The following NRG3 variants were observed in gnomAD, a reference collection of about 807,000 sequenced individuals.
The protein encoded by NRG3 is pro-neuregulin-3, membrane-bound isoform.
Under a neutral mutation model 66.9 loss-of-function variants are expected in NRG3, and 31 were observed. The ratio of observed to expected loss-of-function variants is 0.46; its 90% CI spans 0.35 to 0.63. The LOEUF (loss-of-function observed/expected upper bound fraction) is 0.63. Among genes scored for constraint, NRG3 ranks in the 20% least tolerant of loss-of-function variants. The pLI is 0.00. For missense variants in NRG3, 910 were observed against 878.9 expected (o/e 1.04, Z -0.45); for synonymous variants, 393 against 359.4 (o/e 1.09, Z -1.06).
intron 1 of NRG3, among the ~76,000 whole-genome samples, chr10:82,011,047 T>G (rs376816278): frequency 6.6e-6 from 1 of 152,186 alleles, no homozygotes; most frequent in African/African-American, 2.4e-5. Flanking sequence ...TGTTTCCAAC[T>G]AGCCCACCTC....
intron 4 of NRG3, among the ~76,000 whole-genome samples, chr10:82,925,813 A>C (rs936746164): frequency 4.6e-5 from 7 of 152,096 alleles, no homozygotes; most frequent in African/African-American, 1.7e-4. Context: ...CTAGCAGCTT[A>C]AACTGGAAAG....
At chr10:82,923,044 A>G (rs1846603702) in intron 4 of NRG3, among the ~76,000 whole-genome samples, 1 of 152,194 alleles carries the variant, frequency 6.6e-6, no homozygotes, top group African/African-American at 2.4e-5. Context: ...CTACTGTAAC[A>G]GCTTACTAAT....
intron 1 of NRG3, among the ~76,000 whole-genome samples, chr10:81,941,676 G>T (rs1369503927): frequency 6.6e-6 from 1 of 152,096 alleles, no homozygotes; most frequent in Non-Finnish European, 1.5e-5. Context: ...TATGGCCCCT[G>T]CTTTTCCTAG....
intron 1 of NRG3, among the ~76,000 whole-genome samples, chr10:82,086,172 G>C (rs2065715381): frequency 6.6e-6 from 1 of 152,104 alleles, no homozygotes; most frequent in East Asian, 1.9e-4. Flanking sequence ...CTGTCAACTA[G>C]TGTGACAGTA....
intron 1 of NRG3, among the ~76,000 whole-genome samples, chr10:82,141,030 T>C (rs1424666354): frequency 6.6e-6 from 1 of 152,176 alleles, no homozygotes; most frequent in Non-Finnish European, 1.5e-5. Flanking sequence ...TATATACATG[T>C]ATAGGTATGG....
chr10:82,304,827 G>A (rs1361268285), intron 1 of NRG3, among the ~76,000 whole-genome samples: 1 of 151,978 alleles, frequency 6.6e-6, no homozygotes, highest in East Asian at 1.9e-4. Context: ...ATCCAATCAT[G>A]GGTTGACATT....
At chr10:81,990,903 T>A (rs1456807305) in intron 1 of NRG3, among the ~76,000 whole-genome samples, 1 of 152,128 alleles carries the variant, frequency 6.6e-6, no homozygotes, top group Non-Finnish European at 1.5e-5. Context: ...AAAATGCAAG[T>A]TTACATATTA....
intron 1 of NRG3, among the ~76,000 whole-genome samples, chr10:82,251,668 G>T (rs949042048): frequency 3.3e-5 from 5 of 152,278 alleles, no homozygotes; most frequent in Admixed American, 2.6e-4. Flanking sequence ...ATCAGTGTGG[G>T]ATTTCGAGAT....
At chr10:82,004,241 A>G (rs1435873097) in intron 1 of NRG3, among the ~76,000 whole-genome samples, 1 of 152,218 alleles carries the variant, frequency 6.6e-6, no homozygotes, top group South Asian at 2.1e-4. Context: ...ATCTACACAC[A>G]TATACTGGTG....
chr10:82,398,701 A>G (rs2086887173), intron 2 of NRG3, among the ~76,000 whole-genome samples: 1 of 152,142 alleles, frequency 6.6e-6, no homozygotes, highest in South Asian at 2.1e-4. Context: ...AAGGCCCAAG[A>G]AATGTGCACA....
At chr10:82,013,091 C>T (rs957981767) in intron 1 of NRG3, among the ~76,000 whole-genome samples, 2 of 152,106 alleles carry the variant, frequency 1.3e-5, no homozygotes, top group Non-Finnish European at 2.9e-5. Flanking sequence ...AAAGACTTAA[C>T]CAAGACTGGG....
At chr10:82,743,082 G>T (rs1302951863) in intron 3 of NRG3, among the ~76,000 whole-genome samples, 3 of 152,018 alleles carry the variant, frequency 2.0e-5, no homozygotes, top group African/African-American at 7.2e-5. Context: ...ACACACAGCT[G>T]GAGACAGCCG....
intron 3 of NRG3, among the ~76,000 whole-genome samples, chr10:82,748,036 T>C (rs2058713967): frequency 6.6e-6 from 1 of 151,146 alleles, no homozygotes; most frequent in Non-Finnish European, 1.5e-5. Flanking sequence ...TTCTTGATGA[T>C]TTATAAATAT....
chr10:82,340,085 G>C (rs1045268320), intron 1 of NRG3, among the ~76,000 whole-genome samples: 1 of 152,034 alleles, frequency 6.6e-6, no homozygotes, highest in Non-Finnish European at 1.5e-5. Flanking sequence ...GATTGACTTT[G>C]TTTGCACCGT....
intron 3 of NRG3, among the ~76,000 whole-genome samples, chr10:82,848,797 A>C (rs1207762727): frequency 6.6e-6 from 1 of 152,058 alleles, no homozygotes. Context: ...CATGATAGTG[A>C]ATAAGTCTCA....
At chr10:82,803,724 T>A (rs929206848) in intron 3 of NRG3, among the ~76,000 whole-genome samples, 2 of 151,554 alleles carry the variant, frequency 1.3e-5, no homozygotes, top group African/African-American at 4.9e-5. Context: ...AGCGTAAATA[T>A]GTATTTTGAG....
chr10:81,883,592 G>T lies in NRG3; in HGVS notation c.823+7429G>T, dbSNP rs375799055. On this transcript the variant is annotated intron_variant, in intron 1 of 8. Coordinates refer to ENST00000372141, the MANE Select transcript of NRG3 (RefSeq NM_001010848.4). Reference sequence around the variant, plus strand: ...ATACGAACATTTTTTTAAAGAAAAGGTCAGCTGAATCCATGCAACTACTTT... The same window carrying T: ...ATACGAACATTTTTTTAAAGAAAAGTTCAGCTGAATCCATGCAACTACTTT... Among the ~76,000 whole-genome samples the T allele has an allele frequency of 1.4e-4, 21 of 152,274 alleles. No individual in the cohort carries two copies. The East Asian group carries it at 2.1e-3, about 15-fold the overall frequency.
intron 1 of NRG3, among the ~76,000 whole-genome samples, chr10:81,919,878 C>T (rs922118305): frequency 1.3e-5 from 2 of 152,186 alleles, no homozygotes; most frequent in Admixed American, 1.3e-4. Flanking sequence ...ACCAGGAAAC[C>T]TGCCGTCAAT....
chr10:82,025,531 A>G, intron 1 of NRG3, among the ~76,000 whole-genome samples: 1 of 151,958 alleles, frequency 6.6e-6, no homozygotes, highest in East Asian at 1.9e-4. Flanking sequence ...GGACATAAAT[A>G]TTTTAAGATT....
Sources: gnomAD v4.1 joint callset for allele counts (sites outside exome capture counted in the v4.1 genomes callset) on GRCh38, gnomAD v4.1.1 for gene constraint, MANE v1.5 for transcripts, NCBI Gene and HGNC (gene_info 2026-07-23, HGNC 2026-07-21) for gene names.